PDE10A: variants seen among roughly 807,000 people sequenced by gnomAD.
PDE10A encodes cAMP and cAMP-inhibited cGMP 3',5'-cyclic phosphodiesterase 10A.
A neutral mutation model predicts 97.7 loss-of-function variants in PDE10A; 39 were observed. The observed-to-expected ratio is 0.40, with a 90% CI of 0.31 to 0.52. The LOEUF (loss-of-function observed/expected upper bound fraction) is 0.52, where lower values mean the gene tolerates loss of function less well. PDE10A is among the 20% of genes least tolerant of loss of function. The pLI, the probability that PDE10A is intolerant of heterozygous loss-of-function variation, is 0.56. For synonymous variants in PDE10A, 371 were observed against 376.8 expected (o/e 0.98, Z 0.18); for missense variants, 731 against 1,047.8 (o/e 0.70, Z 4.17).
intron 1 of PDE10A, among the ~76,000 whole-genome samples, chr6:165,604,425 C>T (rs2128397327): frequency 6.6e-6 from 1 of 151,994 alleles, no homozygotes; most frequent in Non-Finnish European, 1.5e-5. Flanking sequence ...ACATCAGCCC[C>T]TTCTGGTCCA....
chr6:165,397,530 C>A (rs1786262861), intron 13 of PDE10A, among the ~76,000 whole-genome samples: 1 of 151,746 alleles, frequency 6.6e-6, no homozygotes, highest in African/African-American at 2.4e-5. Context: ...GCCAACATGG[C>A]AAAACCCTGT....
intron 2 of PDE10A, among the ~76,000 whole-genome samples, chr6:165,492,024 G>A (rs759772960): frequency 5.5e-4 from 84 of 151,950 alleles, no homozygotes; most frequent in Non-Finnish European, 8.8e-4. Flanking sequence ...ACAAACGGGA[G>A]CTATTACAAA....
At chr6:165,656,073 T>C (rs1789940913) in intron 1 of PDE10A, among the ~76,000 whole-genome samples, 1 of 151,996 alleles carries the variant, frequency 6.6e-6, no homozygotes, top group South Asian at 2.1e-4. Context: ...TTTGTTTCCC[T>C]GGCTGGTTCT....
At chr6:165,478,286 C>T (rs1296984636) in intron 3 of PDE10A, among the ~76,000 whole-genome samples, 1 of 152,156 alleles carries the variant, frequency 6.6e-6, no homozygotes, top group Non-Finnish European at 1.5e-5. Context: ...TCTTCTCACC[C>T]ACCATATACA....
At chr6:165,800,930 A>G (rs1778969210) in intron 1 of PDE10A, among the ~76,000 whole-genome samples, 1 of 152,184 alleles carries the variant, frequency 6.6e-6, no homozygotes, top group Non-Finnish European at 1.5e-5. Flanking sequence ...TCCTCTCGAA[A>G]CAGAGCTTGG....
chr6:165,835,273 C>T (rs1341269908), intron 1 of PDE10A, among the ~76,000 whole-genome samples: 1 of 152,226 alleles, frequency 6.6e-6, no homozygotes, highest in Non-Finnish European at 1.5e-5. Flanking sequence ...TTTCTTTGCT[C>T]CTGCCTCACT....
intron 1 of PDE10A, among the ~76,000 whole-genome samples, chr6:165,648,662 CACAAA>C (rs905736087): frequency 3.3e-5 from 5 of 152,044 alleles, no homozygotes; most frequent in Admixed American, 1.3e-4. Flanking sequence ...AATGGACCAA[CACAAA>C]ACAAAGAAAA....
intron 1 of PDE10A, among the ~76,000 whole-genome samples, chr6:165,850,548 AT>A (rs1780547282): frequency 1.3e-5 from 2 of 152,240 alleles, no homozygotes; most frequent in South Asian, 4.1e-4. Flanking sequence ...TACGAATATG[AT>A]ATGTTCTCAA....
chr6:165,646,418 A>C (rs1789401031), intron 1 of PDE10A, among the ~76,000 whole-genome samples: 1 of 152,226 alleles, frequency 6.6e-6, no homozygotes, highest in African/African-American at 2.4e-5. Flanking sequence ...AAAAGTATTT[A>C]ATGAACTATT....
chr6:165,389,854 T>G (rs1785559767), intron 16 of PDE10A, among the ~76,000 whole-genome samples: 1 of 152,160 alleles, frequency 6.6e-6, no homozygotes. Context: ...ATCCAGCAAT[T>G]AAATACTTGA....
chr6:165,877,645 T>A (rs1247180120), intron 1 of PDE10A, among the ~76,000 whole-genome samples: 1 of 152,080 alleles, frequency 6.6e-6, no homozygotes, highest in Non-Finnish European at 1.5e-5. Context: ...TTACCTCACA[T>A]ATTTATAAAT....
At chr6:165,366,159 T>A (rs1482478221) in intron 18 of PDE10A, among the ~76,000 whole-genome samples, 1 of 152,132 alleles carries the variant, frequency 6.6e-6, no homozygotes, top group African/African-American at 2.4e-5. Context: ...ATACATCAAA[T>A]ACTACCTTAA....
At chr6:165,581,539 C>G (rs920701573) in intron 1 of PDE10A, among the ~76,000 whole-genome samples, 2 of 152,260 alleles carry the variant, frequency 1.3e-5, no homozygotes, top group Non-Finnish European at 2.9e-5. Context: ...TGGTCTCTGA[C>G]TTCCCAGCCC....
intron 18 of PDE10A, among the ~76,000 whole-genome samples, chr6:165,377,204 T>C (rs1380058664): frequency 1.3e-5 from 2 of 152,152 alleles, no homozygotes; most frequent in Admixed American, 6.5e-5. Context: ...TGACTTGCTT[T>C]ATTATGAAAT....
At chr6:165,960,783 A>G (rs1784334319) in intron 1 of PDE10A, among the ~76,000 whole-genome samples, 1 of 152,198 alleles carries the variant, frequency 6.6e-6, no homozygotes, top group Non-Finnish European at 1.5e-5. Flanking sequence ...GACAGACCCG[A>G]TCCTCAGGCA....
At chr6:165,638,812 G>A (rs1788996536) in intron 1 of PDE10A, among the ~76,000 whole-genome samples, 1 of 152,062 alleles carries the variant, frequency 6.6e-6, no homozygotes. Flanking sequence ...ACAATAGAAA[G>A]TTAACTACTA....
chr6:165,716,381 A>T (rs1432343363), intron 1 of PDE10A, among the ~76,000 whole-genome samples: 2 of 152,204 alleles, frequency 1.3e-5, no homozygotes, highest in Non-Finnish European at 2.9e-5. Context: ...CCTCCCAAGG[A>T]AGTGGGATCC....
chr6:165,349,829 G>A (rs1304472769), intron 18 of PDE10A, among the ~76,000 whole-genome samples: 1 of 152,188 alleles, frequency 6.6e-6, no homozygotes. Flanking sequence ...TATTTTACTG[G>A]GTGCAAGCCC....
chr6:165,634,837 A>T (rs1788799360), intron 1 of PDE10A, among the ~76,000 whole-genome samples: 1 of 152,184 alleles, frequency 6.6e-6, no homozygotes, highest in Admixed American at 6.5e-5. Flanking sequence ...CTTTCCTAAC[A>T]AACTTTCTGT....
Sources: gnomAD v4.1 joint callset for allele counts (sites outside exome capture counted in the v4.1 genomes callset) on GRCh38, gnomAD v4.1.1 for gene constraint, MANE v1.5 for transcripts, NCBI Gene and HGNC (gene_info 2026-07-23, HGNC 2026-07-21) for gene names.